Variants in LANCL3 observed in about 807,000 individuals in gnomAD.
LANCL3 encodes LanC like family member 3.
LANCL3 carries 19 observed loss-of-function variants against 26.5 expected under a neutral mutation model. The observed-to-expected ratio is 0.72, with a 90% CI of 0.50 to 1.05. LANCL3 has a LOEUF of 1.05. Among genes scored for constraint, LANCL3 ranks in the 50% least tolerant of loss-of-function variants. The pLI is 0.00. For missense variants in LANCL3, 318 were observed against 362.7 expected (o/e 0.88, Z 1.00); for synonymous variants, 160 against 166.6 (o/e 0.96, Z 0.30).
In LANCL3 at chrX:37,668,409, A is replaced by G. The variant is rs782482680; in HGVS notation, c.1103+920A>G. ...TTGATAAAGATGGAACATCTGCTGT[A>G]TACCAGACAACATTGCTTTTAATAG... On this transcript the variant is annotated intron_variant, in intron 4 of 4. Coordinates refer to ENST00000378619, the MANE Select transcript of LANCL3 (RefSeq NM_001170331.2). The G allele has an allele frequency of 8.9e-5, 36 of 405,894 alleles. No individual in the cohort carries two copies. The South Asian group carries it at 2.0e-3, about 23-fold the overall frequency. 33.5% of individuals were successfully genotyped at this position (405,894 alleles called of 1,213,427 possible).
intron 1 of LANCL3, among the ~76,000 whole-genome samples, chrX:37,629,915 T>C (rs1383395556): frequency 9.0e-6 from 1 of 111,235 alleles, no homozygotes; most frequent in Non-Finnish European, 1.9e-5. Flanking sequence ...TGGCTTAGGA[T>C]TGACTTGGCG....
chrX:37,669,224 A>G (rs1926620848), intron 4 of LANCL3, among the ~76,000 whole-genome samples: 1 of 110,892 alleles, frequency 9.0e-6, no homozygotes, highest in South Asian at 3.8e-4. Context: ...TTTATTTGAG[A>G]CAGGGTCTCA....
intron 1 of LANCL3, among the ~76,000 whole-genome samples, chrX:37,629,324 G>A (rs1175461344): frequency 1.9e-5 from 2 of 106,949 alleles, no homozygotes; most frequent in Non-Finnish European, 3.9e-5. Context: ...ATTTGTTTGA[G>A]TTCACTGTAG....
chrX:37,651,797 T>G (rs1602128888), intron 1 of LANCL3, among the ~76,000 whole-genome samples: 1 of 109,364 alleles, frequency 9.1e-6, no homozygotes, highest in African/African-American at 3.3e-5. Flanking sequence ...TTCCCCTTCC[T>G]GTGTCCAGGT....
At chrX:37,577,482 T>C (rs1923780499) in intron 1 of LANCL3, among the ~76,000 whole-genome samples, 1 of 112,668 alleles carries the variant, frequency 8.9e-6, no homozygotes, top group African/African-American at 3.2e-5. Flanking sequence ...GGTATGCATC[T>C]GTGATTTCTG....
intron 1 of LANCL3, among the ~76,000 whole-genome samples, chrX:37,587,372 C>T (rs782543671): frequency 4.4e-5 from 5 of 112,803 alleles, no homozygotes; most frequent in South Asian, 3.6e-4. Flanking sequence ...GCCTTTTGTT[C>T]GGCTATGCCC....
chrX:37,655,208 G>C (rs1024519011), intron 1 of LANCL3, among the ~76,000 whole-genome samples: 42 of 112,336 alleles, frequency 3.7e-4, no homozygotes, highest in Non-Finnish European at 5.6e-5. Context: ...CCGTCATACT[G>C]CAGCTTATCA....
At chrX:37,613,572 A>G (rs1425997535) in intron 1 of LANCL3, among the ~76,000 whole-genome samples, 4 of 111,998 alleles carry the variant, frequency 3.6e-5, no homozygotes, top group African/African-American at 1.3e-4. Context: ...GACCTCCTCC[A>G]AAAGATAACT....
chrX:37,643,098 A>G (rs1428025636), intron 1 of LANCL3, among the ~76,000 whole-genome samples: 1 of 112,184 alleles, frequency 8.9e-6, no homozygotes, highest in Non-Finnish European at 1.9e-5. Context: ...TAATGTCGGC[A>G]TTCACTTTGG....
chrX:37,585,573 T>C (rs1429841845), intron 1 of LANCL3, among the ~76,000 whole-genome samples: 2 of 112,081 alleles, frequency 1.8e-5, no homozygotes, highest in East Asian at 2.8e-4. Flanking sequence ...TCTCTTTTGA[T>C]CTTCGTTGGT....
At chrX:37,643,069 A>G (rs903509238) in intron 1 of LANCL3, among the ~76,000 whole-genome samples, 6 of 112,215 alleles carry the variant, frequency 5.3e-5, no homozygotes, top group South Asian at 7.5e-4. Flanking sequence ...GAAATAGTCA[A>G]CAAAGCATTC....
Position 37,655,706 on chromosome X carries a change from A to G in LANCL3, c.592A>G (p.Ile198Val), listed in dbSNP as rs1926266769. ...TATTCAGGTGCTGACTCCAGCACAG[A>G]TCAAGTCAATTTGTCAGGCAATTCT... ...LAQEVLTPAQ[I>V]KSICQAILDS... is the part of the protein sequence containing the mutation. The change falls in exon 2 of 5, where the codon ATC becomes GTC. Residue 198 changes from isoleucine to valine, a missense_variant. Ile to Val is a conservative substitution (Grantham distance 29). Coordinates refer to ENST00000378619, the MANE Select transcript of LANCL3 (RefSeq NM_001170331.2). The G allele has an allele frequency of 8.3e-7, 1 of 1,206,963 alleles. No homozygotes were observed. Among genetic ancestry groups the G allele is most frequent in the African/African-American group, 1.7e-5 (1 of 57,641 alleles).
chrX:37,585,411 T>C (rs1393071499), intron 1 of LANCL3, among the ~76,000 whole-genome samples: 5 of 111,376 alleles, frequency 4.5e-5, no homozygotes. Flanking sequence ...AATTCTCCCA[T>C]TATTATTGTG....
chrX:37,665,193 T>C (rs1391656228), intron 3 of LANCL3, among the ~76,000 whole-genome samples: 2 of 112,322 alleles, frequency 1.8e-5, no homozygotes, highest in Admixed American at 9.5e-5. Context: ...AACACTTCCA[T>C]TGATTCCCTG....
intron 1 of LANCL3, among the ~76,000 whole-genome samples, chrX:37,651,570 C>G (rs1926144280): frequency 9.1e-6 from 1 of 110,471 alleles, no homozygotes; most frequent in Non-Finnish European, 1.9e-5. Context: ...TCCCTCTTTA[C>G]TGATATAATA....
chrX:37,576,164 T>G (rs1315685335), intron 1 of LANCL3, among the ~76,000 whole-genome samples: 1 of 112,014 alleles, frequency 8.9e-6, no homozygotes, highest in Non-Finnish European at 1.9e-5. Flanking sequence ...TTTTCTAGGT[T>G]CTTTTCTTTT....
intron 1 of LANCL3, among the ~76,000 whole-genome samples, chrX:37,629,924 C>T (rs1185517781): frequency 1.8e-5 from 2 of 110,511 alleles, no homozygotes; most frequent in African/African-American, 3.3e-5. Flanking sequence ...ATTGACTTGG[C>T]GATGCGGGCT....
Position 37,676,657 on chromosome X carries a change from G to T in LANCL3, c.*844G>T, listed in dbSNP as rs1469175054. 2 of 111,871 alleles carry T rather than the reference G, an allele frequency of 1.8e-5. No individual in the cohort carries two copies. The highest frequency in any genetic ancestry group is 3.8e-5 in the Non-Finnish European group (2 of 53,142). The allele number at this position is 111,871 out of a possible 1,213,427, so 9.2% of individuals were successfully genotyped here. A position where few individuals can be genotyped will look rare whatever the true frequency, so the allele number is the denominator to read the frequency against. On this transcript the variant is annotated 3_prime_UTR_variant, in exon 5 of 5. Transcript: ENST00000378619. ...GTACATAATCTTGATGGAGCTATTA[G>T]CTGAACTATAAAATATGCTCTTGGT...
At chrX:37,591,825 C>A (rs1229825845) in intron 1 of LANCL3, among the ~76,000 whole-genome samples, 1 of 108,733 alleles carries the variant, frequency 9.2e-6, no homozygotes, top group African/African-American at 3.4e-5. Context: ...AAGAAGCCTG[C>A]AGGTGAGAGT....
Sources: allele counts gnomAD v4.1 joint callset (sites outside exome capture counted in the v4.1 genomes callset), GRCh38; gene constraint gnomAD v4.1.1; transcripts MANE v1.5; gene names NCBI Gene and HGNC (gene_info 2026-07-23, HGNC 2026-07-21).